The following FAM81B variants were observed in gnomAD, a reference collection of about 807,000 sequenced individuals.
The protein encoded by FAM81B is family with sequence similarity 81 member B, also known as protein FAM81B.
A neutral mutation model predicts 58.7 loss-of-function variants in FAM81B; 60 were observed. That is an observed-to-expected ratio of 1.02 (90% CI 0.83 to 1.27). FAM81B has a LOEUF of 1.27. Ranked by LOEUF, FAM81B falls within the 50% of genes most tolerant of loss-of-function variation. The pLI is 0.00. For synonymous variants in FAM81B, 189 were observed against 179.6 expected, an observed-to-expected ratio of 1.05 and a Z score of -0.42; for missense variants, 491 against 522.0, an observed-to-expected ratio of 0.94 and a Z score of 0.58.
chr5:95,413,981 C>A lies in FAM81B; in HGVS notation c.328C>A (p.Gln110Lys). 1.9e-6 allele frequency: 3 copies of A among 1,613,968 alleles called. No homozygotes were observed. Among genetic ancestry groups the A allele is most frequent in the Non-Finnish European group, 1.7e-6 (2 of 1,179,952 alleles). Residue 110 changes from glutamine to lysine, a missense_variant, in exon 4 of 10, where the codon CAG (glutamine) becomes AAG (lysine). By Grantham distance (53) the Gln-to-Lys change is moderately conservative. Coordinates refer to ENST00000283357, the MANE Select transcript of FAM81B (RefSeq NM_152548.3). The part of the protein sequence containing the change: ...HAFLPIIPNT[Q>K]RGQLEDRLNN... The stretch of plus-strand genomic sequence containing the variant: ...TTTTCTCCCCATCATTCCAAACACC[C>A]AGAGAGGTCAGCTAGAAGACAGACT...
At chr5:95,392,965 CT>C in intron 2 of FAM81B, 68 bp downstream of exon 2, 1 of 1,340,240 alleles carries the variant, frequency 7.5e-7, no homozygotes, top group Non-Finnish European at 1.0e-6. Context: ...GTTTAGAGTG[CT>C]TAGAGAGTTT....
At chr5:95,392,735 G>A (rs1761860142) in intron 1 of FAM81B, 59 bp from the exon 2 acceptor site, 4 of 1,420,128 alleles carry the variant, frequency 2.8e-6, no homozygotes, top group Non-Finnish European at 3.9e-6. Flanking sequence ...AAAATTAGCA[G>A]CACTGCAAAA....
At chr5:95,429,657 A>G (rs75889594) in intron 6 of FAM81B, among the ~76,000 whole-genome samples, 6,193 of 152,272 alleles carry the variant, frequency 0.041, 141 homozygotes, top group Middle Eastern at 0.051. Flanking sequence ...GTACTCAATC[A>G]TATCAATAAC....
chr5:95,402,902 A>G (rs992505741), intron 3 of FAM81B, among the ~76,000 whole-genome samples: 1 of 152,190 alleles, frequency 6.6e-6, no homozygotes, highest in African/African-American at 2.4e-5. Context: ...GGCCCTGTTT[A>G]CAGATGAAGC....
At position 95,448,422 on chromosome 5, in the gene FAM81B, A is replaced by G. The variant is rs77360423; in HGVS notation, c.1183A>G (p.Ile395Val). The G allele has an allele frequency of 3.7e-6, 6 of 1,610,938 alleles. No homozygotes were observed. The East Asian group carries it at 1.3e-4, about 36-fold the overall frequency. The change falls in exon 9 of 10, where the codon ATC becomes GTC. Residue 395 changes from isoleucine to valine, a missense_variant. Ile to Val is a conservative substitution (Grantham distance 29, BLOSUM62 3). Transcript: ENST00000283357. The part of the protein sequence containing the change: ...SKKMEQMEKQ[I>V]WGELETMQNE... ...AAAGATGGAACAAATGGAAAAGCAG[A>G]TCTGGGGTGAATTAGAGACAATGCA...
intron 3 of FAM81B, among the ~76,000 whole-genome samples, chr5:95,409,439 G>A (rs538231811): frequency 8.7e-6 from 1 of 115,540 alleles, no homozygotes; most frequent in African/African-American, 3.1e-5. Flanking sequence ...GATTACAGGT[G>A]TGAGCCACCA....
intron 3 of FAM81B, among the ~76,000 whole-genome samples, chr5:95,413,375 C>A (rs566746204): frequency 6.6e-6 from 1 of 152,082 alleles, no homozygotes; most frequent in African/African-American, 2.4e-5. Flanking sequence ...GAGATTATGT[C>A]TTTTGGGATT....
chr5:95,397,434 G>C (rs771810364), intron 3 of FAM81B, among the ~76,000 whole-genome samples: 17 of 152,144 alleles, frequency 1.1e-4, no homozygotes, highest in Non-Finnish European at 1.6e-4. Flanking sequence ...GGAGAAAAGG[G>C]AAACTTGTCC....
chr5:95,411,732 T>C lies in FAM81B; in HGVS notation c.294-2215T>C, dbSNP rs147209603. Among the ~76,000 whole-genome samples the C allele has an allele frequency of 3.9e-3, 590 of 152,318 alleles. 3 individuals are homozygous for C. Among genetic ancestry groups the C allele is most frequent in the African/African-American group, 1.0e-2 (415 of 41,584 alleles). On this transcript the variant is annotated intron_variant, in intron 3 of 9. Transcript: ENST00000283357. Reference sequence around the variant, plus strand: ...CTGAGATCTTAAGAAATTTTATCTTTCACAAATGCAGTTGTACAAAAAAGG... The same window carrying C: ...CTGAGATCTTAAGAAATTTTATCTTCCACAAATGCAGTTGTACAAAAAAGG...
At chr5:95,415,824 ATGTACAC>A (rs1473740265) in intron 4 of FAM81B, among the ~76,000 whole-genome samples, 1 of 152,200 alleles carries the variant, frequency 6.6e-6, no homozygotes, top group Non-Finnish European at 1.5e-5. Flanking sequence ...ATCCGCCCAG[ATGTACAC>A]TTTGACTTGT....
chr5:95,395,232 G>C (rs926585086), intron 2 of FAM81B, among the ~76,000 whole-genome samples: 1 of 152,028 alleles, frequency 6.6e-6, no homozygotes, highest in Non-Finnish European at 1.5e-5. Flanking sequence ...AAGGTCAGGA[G>C]ATCGAGACCA....
At chr5:95,395,033 A>G (rs1458255779) in intron 2 of FAM81B, among the ~76,000 whole-genome samples, 1 of 152,224 alleles carries the variant, frequency 6.6e-6, no homozygotes, top group Admixed American at 6.5e-5. Context: ...TAAAGTTTTT[A>G]ACTGAGGTGG....
chr5:95,419,386 G>A (rs1287339718), intron 4 of FAM81B, among the ~76,000 whole-genome samples: 4 of 152,000 alleles, frequency 2.6e-5, no homozygotes, highest in Non-Finnish European at 5.9e-5. Flanking sequence ...ACAGATTTGT[G>A]TTTTTCAAAG....
chr5:95,421,770 C>G (rs1390061181), intron 5 of FAM81B, among the ~76,000 whole-genome samples: 1 of 152,190 alleles, frequency 6.6e-6, no homozygotes, highest in South Asian at 2.1e-4. Flanking sequence ...CATGAAAGCC[C>G]AGAGTAGGGG....
chr5:95,401,845 A>T (rs187737326), intron 3 of FAM81B, among the ~76,000 whole-genome samples: 6 of 152,324 alleles, frequency 3.9e-5, no homozygotes, highest in African/African-American at 1.4e-4. Context: ...TGCCAGCTAC[A>T]GCACAGCTGG....
rs751414261 is a variant in FAM81B at position 95,450,247 on chromosome 5, T to C, written c.1324T>C (p.Leu442=). 9.3e-6 allele frequency: 15 copies of C among 1,613,240 alleles called. No individual in the cohort carries two copies. The African/African-American group carries it at 1.2e-4, about 13-fold the overall frequency. Residue 442 remains leucine (L), a synonymous_variant, in exon 10 of 10, where the codon TTA becomes CTA. Coordinates refer to ENST00000283357, the MANE Select transcript of FAM81B (RefSeq NM_152548.3). Reference sequence around the variant, plus strand: ...TAAAGTACAGAAAGACCTAAAGAAATTACAGCGCAAGATAGTGGAACTCCA... The same window carrying C: ...TAAAGTACAGAAAGACCTAAAGAAACTACAGCGCAAGATAGTGGAACTCCA... The part of the protein sequence containing the change: ...KYKVQKDLKK[L]QRKIVELQEV
At chr5:95,407,893 G>T (rs760655850) in intron 3 of FAM81B, among the ~76,000 whole-genome samples, 2 of 152,084 alleles carry the variant, frequency 1.3e-5, no homozygotes, top group East Asian at 3.8e-4. Flanking sequence ...AAAACTCAGC[G>T]GCATAAAACA....
intron 3 of FAM81B, among the ~76,000 whole-genome samples, chr5:95,410,351 C>A (rs760645106): frequency 5.3e-4 from 80 of 152,256 alleles, no homozygotes; most frequent in Non-Finnish European, 1.0e-3. Context: ...TTGAGCCAAA[C>A]AAACCCTACT....
chr5:95,419,810 T>C (rs143542645), intron 4 of FAM81B, among the ~76,000 whole-genome samples: 64 of 152,324 alleles, frequency 4.2e-4, no homozygotes, highest in African/African-American at 1.4e-3. Flanking sequence ...GTTCAATCCA[T>C]AAAAAATCTT....
Sources: allele counts gnomAD v4.1 joint callset (sites outside exome capture counted in the v4.1 genomes callset), GRCh38; gene constraint gnomAD v4.1.1; transcripts MANE v1.5; gene names NCBI Gene and HGNC (gene_info 2026-07-23, HGNC 2026-07-21).